The following ALDH1A2 variants were observed in gnomAD, a reference collection of about 807,000 sequenced individuals.
ALDH1A2 encodes the protein aldehyde dehydrogenase 1 family member A2.
ALDH1A2 carries 27 observed loss-of-function variants against 60.3 expected under a neutral mutation model. The ratio of observed to expected loss-of-function variants is 0.45; its 90% CI spans 0.33 to 0.62. The LOEUF (loss-of-function observed/expected upper bound fraction) is 0.62. Among genes scored for constraint, ALDH1A2 ranks in the 20% least tolerant of loss-of-function variants. The pLI is 0.02. For missense variants in ALDH1A2, 581 were observed against 643.8 expected (o/e 0.90, Z 1.06); for synonymous variants, 289 against 232.4 (o/e 1.24, Z -2.21).
intron 7 of ALDH1A2, among the ~76,000 whole-genome samples, chr15:57,970,043 C>T (rs1894012325): frequency 6.6e-6 from 1 of 152,182 alleles, no homozygotes; most frequent in African/African-American, 2.4e-5. Flanking sequence ...CTTAGTACTC[C>T]AGTTAATTGA....
At chr15:57,980,303 C>T (rs1894448471) in intron 7 of ALDH1A2, 1 of 414,702 alleles carries the variant, frequency 2.4e-6, no homozygotes. Context: ...CCTCATGTTC[C>T]CACTCTCAAA....
intron 1 of ALDH1A2, among the ~76,000 whole-genome samples, chr15:58,023,497 T>C (rs1411809496): frequency 2.0e-5 from 3 of 152,168 alleles, no homozygotes; most frequent in African/African-American, 7.2e-5. Context: ...AGCATATTGT[T>C]ATCAGACTGT....
rs548326985 is a variant in ALDH1A2, at chr15:57,967,177, T to C, written c.799-1350A>G. Among the ~76,000 whole-genome samples the C allele has an allele frequency of 3.3e-5, 5 of 152,122 alleles. No individual in the cohort carries two copies. The East Asian group carries it at 9.7e-4, about 29-fold the overall frequency. ...TGGAGCCAGACTGCCTGGATTTTTT[T>C]TTTTTTTTTTTAACCAGTTCTGTCA... On this transcript the variant is annotated intron_variant, in intron 7 of 12. Transcript: ENST00000249750.
At chr15:58,043,292 C>T (rs1193840640) in intron 1 of ALDH1A2, among the ~76,000 whole-genome samples, 2 of 151,986 alleles carry the variant, frequency 1.3e-5, no homozygotes, top group African/African-American at 2.4e-5. Flanking sequence ...CAGAAAGCTA[C>T]TATCAATCTA....
At chr15:58,014,835 G>A (rs944637999) in intron 1 of ALDH1A2, among the ~76,000 whole-genome samples, 4 of 152,150 alleles carry the variant, frequency 2.6e-5, no homozygotes, top group South Asian at 2.1e-4. Context: ...ATTTCCCTTT[G>A]CTGAATAGGC....
intron 7 of ALDH1A2, among the ~76,000 whole-genome samples, chr15:57,987,881 CAAAAAAA>C (rs34307559): frequency 1.1e-5 from 1 of 92,252 alleles, no homozygotes; most frequent in Non-Finnish European, 2.1e-5. Flanking sequence ...GCTGACCCCT[CAAAAAAA>C]AAAAAAAAAA....
chr15:58,034,510 G>C (rs1172793708), intron 1 of ALDH1A2, among the ~76,000 whole-genome samples: 1 of 151,630 alleles, frequency 6.6e-6, no homozygotes, highest in Non-Finnish European at 1.5e-5. Context: ...TTGAATAGCA[G>C]CAGCAAGAGG....
chr15:57,961,667 G>C (rs1435103809), intron 10 of ALDH1A2, among the ~76,000 whole-genome samples: 2 of 152,150 alleles, frequency 1.3e-5, no homozygotes, highest in Non-Finnish European at 2.9e-5. Context: ...ATGTAAAGAT[G>C]CTTCAGTGGA....
intron 7 of ALDH1A2, among the ~76,000 whole-genome samples, chr15:57,969,512 T>A (rs1429785446): frequency 6.6e-6 from 1 of 152,170 alleles, no homozygotes; most frequent in African/African-American, 2.4e-5. Context: ...TTAAGTGTGG[T>A]TCCTCAGGGA....
At chr15:58,009,364 C>T (rs551610312) in intron 4 of ALDH1A2, among the ~76,000 whole-genome samples, 3 of 152,102 alleles carry the variant, frequency 2.0e-5, no homozygotes, top group South Asian at 4.1e-4. Context: ...TTCATGAGCA[C>T]ATTAAATTGG....
chr15:58,025,818 A>C (rs937373788), intron 1 of ALDH1A2, among the ~76,000 whole-genome samples: 7 of 152,228 alleles, frequency 4.6e-5, no homozygotes, highest in Non-Finnish European at 4.4e-5. Context: ...GGTGTGTTAC[A>C]TGGTGACAGA....
chr15:58,060,463 C>CTTTTTTTTTTTTT (rs35187901), intron 1 of ALDH1A2, among the ~76,000 whole-genome samples: 4 of 87,510 alleles, frequency 4.6e-5, no homozygotes, highest in African/African-American at 1.3e-4. Context: ...CCACACATAT[C>CTTTTTTTTTTTTT]TTTTTTTTTT....
chr15:57,980,036 A>T, intron 7 of ALDH1A2: 2 of 324,682 alleles, frequency 6.2e-6, no homozygotes, highest in East Asian at 8.3e-5. Context: ...CCAATGATCG[A>T]GTGGTCCATG....
chr15:58,060,799 C>A (rs536546532), intron 1 of ALDH1A2, among the ~76,000 whole-genome samples: 1 of 152,172 alleles, frequency 6.6e-6, no homozygotes. Flanking sequence ...TTGCTGACCC[C>A]TGATACTGTC....
At chr15:58,034,176 C>T (rs1205043367) in intron 1 of ALDH1A2, among the ~76,000 whole-genome samples, 3 of 151,470 alleles carry the variant, frequency 2.0e-5, no homozygotes, top group African/African-American at 7.3e-5. Context: ...TTTGTGGTTT[C>T]CCTTATAAAT....
At chr15:57,956,724 C>T (rs146596024) in intron 12 of ALDH1A2, among the ~76,000 whole-genome samples, 11 of 152,290 alleles carry the variant, frequency 7.2e-5, no homozygotes, top group African/African-American at 2.6e-4. Context: ...TTTTCCTGTC[C>T]TTGGGCAATT....
At chr15:58,034,424 A>T (rs1391855288) in intron 1 of ALDH1A2, among the ~76,000 whole-genome samples, 2 of 151,630 alleles carry the variant, frequency 1.3e-5, no homozygotes, top group Non-Finnish European at 3.0e-5. Context: ...GTTATCTGTG[A>T]AAAAAGACAT....
intron 7 of ALDH1A2, among the ~76,000 whole-genome samples, chr15:57,970,702 G>C (rs1379964858): frequency 6.6e-6 from 1 of 151,924 alleles, no homozygotes; most frequent in African/African-American, 2.4e-5. Context: ...CACATATCAA[G>C]GTAGATTTTT....
chr15:58,020,361 T>C (rs1223824768), intron 1 of ALDH1A2, among the ~76,000 whole-genome samples: 1 of 152,196 alleles, frequency 6.6e-6, no homozygotes, highest in African/African-American at 2.4e-5. Context: ...TCAAATGGTA[T>C]TGACATGAAT....
Sources: allele counts gnomAD v4.1 joint callset (sites outside exome capture counted in the v4.1 genomes callset), GRCh38; gene constraint gnomAD v4.1.1; transcripts MANE v1.5; gene names NCBI Gene and HGNC (gene_info 2026-07-23, HGNC 2026-07-21).